Variants in KIAA1549 observed in about 807,000 individuals in gnomAD.
The protein encoded by KIAA1549 is KIAA1549.
Under a neutral mutation model 156.4 loss-of-function variants are expected in KIAA1549, and 70 were observed. The observed-to-expected ratio is 0.45, with a 90% CI of 0.37 to 0.55. KIAA1549 has a LOEUF of 0.55. KIAA1549 is among the 20% of genes least tolerant of loss of function. The pLI, the probability that KIAA1549 is intolerant of heterozygous loss-of-function variation, is 0.00. For synonymous variants in KIAA1549, 1,103 were observed against 1,066.4 expected (o/e 1.03, Z -0.67); for missense variants, 2,428 against 2,540.9 (o/e 0.96, Z 0.96).
Position 138,919,398 on chromosome 7 carries a change from GGAGTAT to G in KIAA1549, c.222_227del (p.Leu74_Ser76delinsPhe). On this transcript the variant is annotated inframe_deletion, in exon 2 of 20. Transcript: ENST00000422774. ...TGCTTTTCTTCAGCACGAGCTCCAT[GGAGTAT>G]AAAGAAAGGTTGTGCTGTTCCGGAG... 6.2e-7 allele frequency: 1 copy of G among 1,613,990 alleles called. No individual in the cohort carries two copies. The highest frequency in any genetic ancestry group is 1.1e-5 in the South Asian group (1 of 91,072).
intron 5 of KIAA1549, 48 bp from the exon 6 acceptor site, chr7:138,907,150 G>C: frequency 1.5e-6 from 2 of 1,371,770 alleles, no homozygotes; most frequent in South Asian, 3.6e-5. Context: ...ACATTCTGCT[G>C]AAAGCTTAAC....
chr7:138,832,170 C>A lies in KIAA1549; in HGVS notation c.*5736G>T, dbSNP rs1206456554. ...AGACTCAAGTCACTCAAAATTTCAC[C>A]TCTGTCCCTTTTACCTATTCCTTTT... On this transcript the variant is annotated 3_prime_UTR_variant, in exon 20 of 20. Transcript: ENST00000422774. The A allele has an allele frequency of 4.7e-6, 1 of 210,536 alleles. No individual in the cohort carries two copies. Among genetic ancestry groups the A allele is most frequent in the Non-Finnish European group, 9.4e-6 (1 of 105,940 alleles). The allele number at this position is 210,536 out of a possible 1,614,324, so 13.0% of individuals were successfully genotyped here. A position where few individuals can be genotyped will look rare whatever the true frequency, so the allele number is the denominator to read the frequency against.
Position 138,918,305 on chromosome 7 carries a change from C to G in KIAA1549, c.1321G>C (p.Asp441His). Reference protein sequence around the residue: ...QVLATSLMEKDVGSGDGAETL... With the variant: ...QVLATSLMEKHVGSGDGAETL... Reference sequence around the variant, plus strand: ...TCGGCACCATCCCCTGATCCCACGTCTTTCTCCATGAGGCTCGTGGCCAGA... The same window carrying G: ...TCGGCACCATCCCCTGATCCCACGTGTTTCTCCATGAGGCTCGTGGCCAGA... Residue 441 changes from aspartate to histidine, a missense_variant, in exon 2 of 20, where the codon GAC (aspartate) becomes CAC (histidine). By Grantham distance (81) the Asp-to-His change is moderately conservative. Coordinates refer to ENST00000422774, the MANE Select transcript of KIAA1549 (RefSeq NM_001164665.2). The surrounding 1 kb of genome is among the most constrained non-coding windows in gnomAD (Gnocchi z 4.2). 1 of 1,614,054 alleles carries G rather than the reference C, an allele frequency of 6.2e-7. No individual in the cohort carries two copies. The highest frequency in any genetic ancestry group is 8.5e-7 in the Non-Finnish European group (1 of 1,179,908).
intron 8 of KIAA1549, among the ~76,000 whole-genome samples, chr7:138,903,301 C>CTG (rs1414747310): frequency 2.6e-5 from 4 of 152,106 alleles, no homozygotes; most frequent in African/African-American, 7.2e-5. Context: ...AAATGAGGTC[C>CTG]TGTGATGATA....
rs200725838 is a variant in KIAA1549, at chr7:138,932,148, C to T, written c.188-12710G>A. On this transcript the variant is annotated intron_variant, in intron 1 of 19. Transcript: ENST00000422774. ...CTCCCTTTTCAGAGAATAGGCCATG[C>T]TAAAATTAAAAATTAAAATTATAAA... Among the ~76,000 whole-genome samples the T allele has an allele frequency of 4.6e-5, 7 of 152,254 alleles. No individual in the cohort carries two copies. The East Asian group carries it at 1.2e-3, about 25-fold the overall frequency.
At chr7:138,908,947 T>G in intron 5 of KIAA1549, 44 bp downstream of exon 5, 1 of 1,608,010 alleles carries the variant, frequency 6.2e-7, no homozygotes, top group Non-Finnish European at 8.5e-7. Context: ...AATTTCCCCT[T>G]CAAGGGCTAA....
chr7:138,963,732 C>A, intron 1 of KIAA1549, among the ~76,000 whole-genome samples: 1 of 152,132 alleles, frequency 6.6e-6, no homozygotes, highest in Non-Finnish European at 1.5e-5. Context: ...CACCAAAATT[C>A]CAAAGTAAAT....
At chr7:138,843,963 G>C (rs1400721031) in intron 18 of KIAA1549, among the ~76,000 whole-genome samples, 2 of 152,150 alleles carry the variant, frequency 1.3e-5, no homozygotes, top group African/African-American at 4.8e-5. Context: ...AGAGTCGTTC[G>C]TTACAAGCTG....
intron 12 of KIAA1549, among the ~76,000 whole-genome samples, chr7:138,876,699 C>T (rs374639018): frequency 1.5e-4 from 23 of 152,176 alleles, no homozygotes; most frequent in African/African-American, 1.7e-4. Flanking sequence ...TATGCACAGA[C>T]GCAGCAATGG....
chr7:138,865,535 G>A (rs529404317), intron 15 of KIAA1549, among the ~76,000 whole-genome samples: 1 of 152,112 alleles, frequency 6.6e-6, no homozygotes, highest in South Asian at 2.1e-4. Flanking sequence ...TTCTGAGACA[G>A]GCATTATCTT....
At position 138,837,995 on chromosome 7, in the gene KIAA1549, G is replaced by A; in HGVS notation, c.5764C>T (p.His1922Tyr). The A allele has an allele frequency of 6.2e-7, 1 of 1,613,068 alleles. No homozygotes were observed. The highest frequency in any genetic ancestry group is 8.5e-7 in the Non-Finnish European group (1 of 1,179,630). ...TSSTEDLQPG[H>Y]SSASLIKAIR... is the part of the protein sequence containing the mutation. ...GCTTTGATGAGAGAGGCCGAGGAGT[G>A]GCCAGGCTGGAGGTCTTCCGTGGAG... The change falls in exon 20 of 20, where the codon CAC becomes TAC. Residue 1922 changes from histidine to tyrosine, a missense_variant. Physicochemically the swap from His to Tyr is moderately conservative, Grantham distance 83. Coordinates refer to ENST00000422774, the MANE Select transcript of KIAA1549 (RefSeq NM_001164665.2).
chr7:138,917,329 A>G lies in KIAA1549; in HGVS notation c.2297T>C (p.Val766Ala). 6.2e-7 allele frequency: 1 copy of G among 1,613,958 alleles called. No homozygotes were observed. Among genetic ancestry groups the G allele is most frequent in the Non-Finnish European group, 8.5e-7 (1 of 1,179,858 alleles). ...AGAGCCGGGGGGCACCAGTGCAGTG[A>G]CTGCGGATTCATGGGAAATGAGTGA... Reference protein sequence around the residue: ...ESSLISHESAVTALVPPGSES... With the variant: ...ESSLISHESAATALVPPGSES... Residue 766 changes from valine to alanine, a missense_variant, in exon 2 of 20, where the codon GTC becomes GCC. Physicochemically the swap from Val to Ala is moderately conservative, Grantham distance 64. This residue lies in a region of KIAA1549 where 762 missense variants were observed against 901.6 expected (regional missense o/e 0.85). Coordinates refer to ENST00000422774, the MANE Select transcript of KIAA1549 (RefSeq NM_001164665.2).
intron 9 of KIAA1549, among the ~76,000 whole-genome samples, chr7:138,895,999 C>T (rs181095632): frequency 2.1e-5 from 3 of 141,850 alleles, no homozygotes; most frequent in Admixed American, 6.9e-5. Context: ...TTCTCTTTCA[C>T]GGCATAGGAC....
At chr7:138,941,755 C>A (rs906575458) in intron 1 of KIAA1549, among the ~76,000 whole-genome samples, 2 of 152,142 alleles carry the variant, frequency 1.3e-5, no homozygotes, top group African/African-American at 2.4e-5. Context: ...CTCAGGAGAG[C>A]AATTAGCGCT....
intron 1 of KIAA1549, among the ~76,000 whole-genome samples, chr7:138,977,527 T>C (rs1045907878): frequency 2.6e-5 from 4 of 152,114 alleles, no homozygotes; most frequent in Non-Finnish European, 4.4e-5. Context: ...ATTGCTTCAT[T>C]CAAAAATCAC....
chr7:138,901,934 A>C (rs1369630255), intron 8 of KIAA1549, among the ~76,000 whole-genome samples: 2 of 147,986 alleles, frequency 1.4e-5, no homozygotes, highest in Non-Finnish European at 3.0e-5. Context: ...ATGCCTACTA[A>C]GAGAGCTTGC....
At chr7:138,838,611 G>C (rs190049172) in intron 19 of KIAA1549, among the ~76,000 whole-genome samples, 1 of 152,096 alleles carries the variant, frequency 6.6e-6, no homozygotes, top group East Asian at 1.9e-4. Flanking sequence ...GATATTTGCC[G>C]CATAGAGATT....
chr7:138,886,185 T>C (rs563471544), intron 10 of KIAA1549, among the ~76,000 whole-genome samples: 2 of 152,294 alleles, frequency 1.3e-5, no homozygotes, highest in East Asian at 1.9e-4. Flanking sequence ...TTAGACAATA[T>C]ATTACACACA....
At chr7:138,884,000 T>C (rs961496732) in intron 10 of KIAA1549, among the ~76,000 whole-genome samples, 11 of 152,122 alleles carry the variant, frequency 7.2e-5, no homozygotes, top group African/African-American at 2.7e-4. Context: ...GCCCCAGGCA[T>C]GATACAAGGG....
Sources: allele counts gnomAD v4.1 joint callset (sites outside exome capture counted in the v4.1 genomes callset), GRCh38; gene constraint gnomAD v4.1.1; regional missense constraint gnomAD v4.1.1; non-coding constraint Gnocchi (gnomAD v3.1); transcripts MANE v1.5; gene names NCBI Gene and HGNC (gene_info 2026-07-23, HGNC 2026-07-21).